The following CDC42SE2 variants were observed in gnomAD, a reference collection of about 807,000 sequenced individuals.
CDC42SE2 encodes CDC42 small effector protein 2.
In CDC42SE2, 3 loss-of-function variants were observed where a neutral mutation model predicts 11.5. The observed-to-expected ratio is 0.26, with a 90% CI of 0.12 to 0.67. The LOEUF (loss-of-function observed/expected upper bound fraction) is 0.67. Ranked by LOEUF, CDC42SE2 falls within the 30% of genes least tolerant of loss-of-function variation. The probability of loss-of-function intolerance (pLI) is 0.80; values close to 1 mark genes in which losing one functional copy is unlikely to be tolerated. For synonymous variants in CDC42SE2, 33 were observed against 34.8 expected (o/e 0.95, Z 0.18); for missense variants, 82 against 106.8 (o/e 0.77, Z 1.02).
At chr5:131,244,818 T>G (rs1254517394), upstream of CDC42SE2, among the ~76,000 whole-genome samples, 1 of 152,044 alleles carries the variant, frequency 6.6e-6, no homozygotes, top group Non-Finnish European at 1.5e-5. Context: ...TGCAGATCAC[T>G]CTGAAGGGGG....
rs1197056662 is a variant in CDC42SE2, at chr5:131,385,636, A to G, written c.148A>G (p.Met50Val). The G allele has an allele frequency of 1.9e-6, 3 of 1,601,360 alleles. No homozygotes were observed. Among genetic ancestry groups the G allele is most frequent in the East Asian group, 4.5e-5 (2 of 44,700 alleles). ...HVGSGDLFSG[M>V]NSVSSIQNQM... Reference sequence around the variant, plus strand: ...TGGATCAGGAGACCTGTTCAGTGGAATGAATTCAGTAAGTATGTTGGTGGG... The same window carrying G: ...TGGATCAGGAGACCTGTTCAGTGGAGTGAATTCAGTAAGTATGTTGGTGGG... Residue 50 changes from methionine to valine, a missense_variant, in exon 4 of 5, where the codon ATG becomes GTG. Met to Val is a conservative substitution (Grantham distance 21). Coordinates refer to ENST00000505065, the MANE Select transcript of CDC42SE2 (RefSeq NM_001375635.1).
chr5:131,385,791 G>C (rs1192908955), intron 4 of CDC42SE2, 147 bp downstream of exon 4: 10 of 469,854 alleles, frequency 2.1e-5, no homozygotes, highest in Non-Finnish European at 3.8e-5. Context: ...ATAGAAGAGA[G>C]AAGCAAACTA....
intron 1 of CDC42SE2, among the ~76,000 whole-genome samples, chr5:131,314,299 A>G (rs1410081345): frequency 6.7e-6 from 1 of 150,138 alleles, no homozygotes; most frequent in Non-Finnish European, 1.5e-5. Context: ...TGGCACAATC[A>G]TAGCTCACTG....
At chr5:131,224,161 A>T in the CDC42SE2 span, among the ~76,000 whole-genome samples, 2 of 152,202 alleles carry the variant, frequency 1.3e-5, no homozygotes, top group East Asian at 3.9e-4. Context: ...CTTTCTTAAA[A>T]ATCTCATCTG....
chr5:131,306,339 T>C (rs988622511), intron 1 of CDC42SE2, among the ~76,000 whole-genome samples: 7 of 152,200 alleles, frequency 4.6e-5, no homozygotes, highest in African/African-American at 1.7e-4. Flanking sequence ...GGGAGACTGC[T>C]GTATTGAAGA....
intron 1 of CDC42SE2, among the ~76,000 whole-genome samples, chr5:131,309,077 T>C (rs1482702125): frequency 6.6e-6 from 1 of 152,036 alleles, no homozygotes; most frequent in African/African-American, 2.4e-5. Context: ...ATATTGGCTG[T>C]GGGTTTGTCA....
At chr5:131,240,732 G>C (rs141883439), upstream of CDC42SE2, among the ~76,000 whole-genome samples, 681 of 152,234 alleles carry the variant, frequency 4.5e-3, 9 homozygotes, top group African/African-American at 0.016. Context: ...AAACATAAAA[G>C]GGCTTATGGT....
intron 1 of CDC42SE2, among the ~76,000 whole-genome samples, chr5:131,270,641 G>T (rs1756974615): frequency 1.3e-5 from 2 of 152,154 alleles, no homozygotes; most frequent in Non-Finnish European, 2.9e-5. Context: ...GTCTTTCTCT[G>T]CTTCTAGATG....
intron 2 of CDC42SE2, among the ~76,000 whole-genome samples, chr5:131,317,521 G>C (rs550962992): frequency 1.3e-5 from 2 of 151,954 alleles, no homozygotes; most frequent in Admixed American, 1.3e-4. Flanking sequence ...GTGTGTTTTG[G>C]GGGAGGTGGA....
At chr5:131,278,724 C>T (rs1757160808) in intron 1 of CDC42SE2, among the ~76,000 whole-genome samples, 1 of 9,204 alleles carries the variant, frequency 1.1e-4, no homozygotes, top group Non-Finnish European at 2.3e-4. Context: ...CCCCTCCCCT[C>T]CCCCCTCCCC....
intron 2 of CDC42SE2, among the ~76,000 whole-genome samples, chr5:131,321,999 C>T (rs1160052853): frequency 2.6e-5 from 4 of 152,058 alleles, no homozygotes; most frequent in East Asian, 3.9e-4. Context: ...TACAGGCACC[C>T]GCCACCACGC....
chr5:131,262,107 CT>C (rs1161772271), upstream of CDC42SE2, among the ~76,000 whole-genome samples: 11 of 151,214 alleles, frequency 7.3e-5, no homozygotes, highest in African/African-American at 2.7e-4. Context: ...CACAAGGTTA[CT>C]ACATTTGTAA....
chr5:131,275,185 T>TA (rs1485239839), intron 1 of CDC42SE2, among the ~76,000 whole-genome samples: 2 of 152,046 alleles, frequency 1.3e-5, no homozygotes, highest in South Asian at 2.1e-4. Context: ...GACAGCACCT[T>TA]AAAAAAACCT....
intron 1 of CDC42SE2, among the ~76,000 whole-genome samples, chr5:131,305,489 A>G (rs1403409949): frequency 2.6e-5 from 4 of 152,174 alleles, no homozygotes; most frequent in African/African-American, 9.7e-5. Context: ...TGGTCTGATC[A>G]GTTGGCAGCT....
intron 2 of CDC42SE2, among the ~76,000 whole-genome samples, chr5:131,351,614 A>T (rs1025544166): frequency 1.3e-5 from 2 of 152,254 alleles, no homozygotes; most frequent in Admixed American, 1.3e-4. Flanking sequence ...TATCTTCAGC[A>T]AATGAGCTAG....
intron 1 of CDC42SE2, among the ~76,000 whole-genome samples, chr5:131,311,050 A>G (rs1757897219): frequency 6.7e-6 from 1 of 150,306 alleles, no homozygotes; most frequent in African/African-American, 2.5e-5. Flanking sequence ...TGGTCTTTAC[A>G]TTTTGGCATG....
chr5:131,272,287 C>A (rs1024362187), intron 1 of CDC42SE2, among the ~76,000 whole-genome samples: 1 of 152,098 alleles, frequency 6.6e-6, no homozygotes, highest in Admixed American at 6.6e-5. Context: ...TCCCAAAATA[C>A]TGAGATTACA....
At chr5:131,262,088 A>G (rs566707089), upstream of CDC42SE2, among the ~76,000 whole-genome samples, 1 of 152,224 alleles carries the variant, frequency 6.6e-6, no homozygotes, top group South Asian at 2.1e-4. Context: ...TTACTACTTA[A>G]GGCATTCACA....
chr5:131,294,566 C>A (rs1388641946), intron 1 of CDC42SE2, among the ~76,000 whole-genome samples: 1 of 151,998 alleles, frequency 6.6e-6, no homozygotes, highest in Non-Finnish European at 1.5e-5. Flanking sequence ...ATATAGAATG[C>A]CAGATAACTT....
Sources: allele counts gnomAD v4.1 joint callset (sites outside exome capture counted in the v4.1 genomes callset), GRCh38; gene constraint gnomAD v4.1.1; transcripts MANE v1.5; gene names NCBI Gene and HGNC (gene_info 2026-07-23, HGNC 2026-07-21).